The following BRIP1 variants were observed in gnomAD, a reference collection of about 807,000 sequenced individuals.
BRIP1 encodes Fanconi anemia group J protein.
A neutral mutation model predicts 119.7 loss-of-function variants in BRIP1; 88 were observed. The observed-to-expected ratio is 0.74, with a 90% confidence interval of 0.62 to 0.88. The LOEUF (loss-of-function observed/expected upper bound fraction) is 0.88, where lower values mean the gene tolerates loss of function less well. BRIP1 is among the 40% of genes least tolerant of loss of function. BRIP1 has a pLI of 0.00. For synonymous variants in BRIP1, 443 were observed against 496.5 expected, an observed-to-expected ratio of 0.89 and a Z score of 1.43; for missense variants, 1,259 against 1,455.4, an observed-to-expected ratio of 0.87 and a Z score of 2.20.
chr17:61,688,440 C>T (rs935598417), intron 18 of BRIP1, among the ~76,000 whole-genome samples: 1 of 152,022 alleles, frequency 6.6e-6, no homozygotes, highest in Non-Finnish European at 1.5e-5. Context: ...GAGATTGTAC[C>T]ACTGCACTCC....
rs1193683081 is a variant in BRIP1, at chr17:61,827,168, G to A, written c.628-18411C>T. Among the ~76,000 whole-genome samples the A allele has an allele frequency of 6.6e-6, 1 of 152,180 alleles. No individual in the cohort carries two copies. Among genetic ancestry groups the A allele is most frequent in the African/African-American group, 2.4e-5 (1 of 41,434 alleles). On this transcript the variant is annotated intron_variant, in intron 6 of 19. Coordinates refer to ENST00000259008, the MANE Select transcript of BRIP1 (RefSeq NM_032043.3). This position sits in a 1 kb window ranked among gnomAD's most constrained non-coding sequence, Gnocchi z 5.8. ...CATTATCCTTAGCAAACTAATGCAG[G>A]AACAGAAAACCAAATACTGCATGTT...
chr17:61,859,951 T>C, intron 2 of BRIP1, 44 bp from the exon 3 acceptor site: 1 of 1,328,634 alleles, frequency 7.5e-7, no homozygotes, highest in African/African-American at 1.4e-5. Flanking sequence ...ATATTAACTT[T>C]ATAAAGGTCT....
rs1033030391 is a variant in BRIP1 at position 61,736,143 on chromosome 17, T to C, written c.2379+6870A>G. On this transcript the variant is annotated intron_variant, in intron 16 of 19. Coordinates refer to ENST00000259008, the MANE Select transcript of BRIP1 (RefSeq NM_032043.3). This position sits in a 1 kb window ranked among gnomAD's most constrained non-coding sequence, Gnocchi z 4.4. The stretch of plus-strand genomic sequence containing the variant: ...GAGTTCAAGGCCAGCTTGTACAACA[T>C]AGCAAGACCTCGCCTCTCCAAAAAA... Among the ~76,000 whole-genome samples the C allele has an allele frequency of 6.7e-6, 1 of 149,596 alleles. No individual in the cohort carries two copies. The highest frequency in any genetic ancestry group is 2.5e-5 in the African/African-American group (1 of 40,502).
At chr17:61,733,211 G>C (rs1431633865) in intron 16 of BRIP1, among the ~76,000 whole-genome samples, 1 of 152,102 alleles carries the variant, frequency 6.6e-6, no homozygotes, top group Non-Finnish European at 1.5e-5. Context: ...TCCTTAAAAA[G>C]AAATCTGTTA....
chr17:61,845,737 G>C lies in BRIP1; in HGVS notation c.627+1364C>G, dbSNP rs1047864899. ...ACTATCCTACAGGCGCTTCTCCCCA[G>C]GACATCCATCCTGCTTCTGTATGCA... On this transcript the variant is annotated intron_variant, in intron 6 of 19. Transcript: ENST00000259008. The surrounding 1 kb of genome is among the most constrained non-coding windows in gnomAD (Gnocchi z 4.2). 6.6e-6 allele frequency among the ~76,000 whole-genome samples: 1 copy of C among 152,088 alleles called. No individual in the cohort carries two copies. The highest frequency in any genetic ancestry group is 2.4e-5 in the African/African-American group (1 of 41,392).
rs61754141 is a variant in BRIP1 at position 61,743,106 on chromosome 17, A to G, written c.2286T>C (p.Arg762=). The stretch of plus-strand genomic sequence containing the variant: ...AATCCAGACCCTCACTCACTTTACC[A>G]CGACAAACTGCTACCAGGAGAGCTC... ...KDGALLVAVC[R]GKVSEGLDFS... The change falls in exon 16 of 20, where the codon CGT becomes CGC. Residue 762 remains arginine, a synonymous_variant. Coordinates refer to ENST00000259008, the MANE Select transcript of BRIP1 (RefSeq NM_032043.3). The surrounding 1 kb of genome is among the most constrained non-coding windows in gnomAD (Gnocchi z 4.3). The G allele has an allele frequency of 3.8e-4, 614 of 1,614,018 alleles. 2 individuals carry two copies. In the African/African-American group the frequency reaches 5.4e-3, roughly 14 times the overall value.
intron 17 of BRIP1, among the ~76,000 whole-genome samples, chr17:61,702,624 A>G (rs1254064044): frequency 2.0e-5 from 3 of 152,192 alleles, no homozygotes; most frequent in African/African-American, 2.4e-5. Context: ...ATGTTGCTGC[A>G]AAGGACATGA....
chr17:61,854,744 C>CA (rs2145808883), intron 4 of BRIP1, among the ~76,000 whole-genome samples: 1 of 148,140 alleles, frequency 6.8e-6, no homozygotes, highest in East Asian at 2.0e-4. Context: ...TACACACCTA[C>CA]AAAGCAATCT....
chr17:61,825,148 G>A lies in BRIP1; in HGVS notation c.628-16391C>T, dbSNP rs368915322. The stretch of plus-strand genomic sequence containing the variant: ...AAAATACAAAAAATTAGCTGGGCAA[G>A]GTGGCGGGCACCTGTAGTCTCAGCT... On this transcript the variant is annotated intron_variant, in intron 6 of 19. Transcript: ENST00000259008. This position sits in a 1 kb window ranked among gnomAD's most constrained non-coding sequence, Gnocchi z 4.1. 4.6e-5 allele frequency among the ~76,000 whole-genome samples: 7 copies of A among 152,172 alleles called. No individual in the cohort carries two copies. In the South Asian group the frequency reaches 8.3e-4, roughly 18 times the overall value.
chr17:61,781,772 T>C (rs901836673), intron 11 of BRIP1, among the ~76,000 whole-genome samples: 5 of 150,060 alleles, frequency 3.3e-5, no homozygotes, highest in African/African-American at 1.2e-4. Flanking sequence ...AATACAAAAA[T>C]TAGCCAGGTG....
At chr17:61,716,566 C>A (rs928705971) in intron 16 of BRIP1, among the ~76,000 whole-genome samples, 1 of 151,886 alleles carries the variant, frequency 6.6e-6, no homozygotes, top group African/African-American at 2.4e-5. Flanking sequence ...TTTTAGAATT[C>A]ATTCATGTTG....
At chr17:61,781,878 G>A (rs1338800489) in intron 11 of BRIP1, among the ~76,000 whole-genome samples, 7 of 148,200 alleles carry the variant, frequency 4.7e-5, no homozygotes, top group African/African-American at 1.5e-4. Context: ...CTGAGATAGC[G>A]CCACTGCACT....
chr17:61,747,713 T>A (rs961523225), intron 14 of BRIP1, among the ~76,000 whole-genome samples: 25 of 152,038 alleles, frequency 1.6e-4, no homozygotes, highest in African/African-American at 5.8e-4. Context: ...TTTTATTAAT[T>A]TTTTATTTTC....
At chr17:61,818,859 A>G (rs191496040) in intron 6 of BRIP1, among the ~76,000 whole-genome samples, 1 of 152,234 alleles carries the variant, frequency 6.6e-6, no homozygotes, top group African/African-American at 2.4e-5. Flanking sequence ...GCAAATCCAA[A>G]CTACAATGAG....
Position 61,810,614 on chromosome 17 carries a change from A to T in BRIP1, c.628-1857T>A, listed in dbSNP as rs964048923. Among the ~76,000 whole-genome samples, 7 of 152,312 alleles carry T rather than the reference A, an allele frequency of 4.6e-5. No homozygotes were observed. The highest frequency in any genetic ancestry group is 1.7e-4 in the African/African-American group (7 of 41,570). ...TTCTATCTAAGCATAAAAGTAATCCAATAAAGTAGCTTTTTCTCAAGGCTG... is the reference window on the plus strand; with the variant it reads ...TTCTATCTAAGCATAAAAGTAATCCTATAAAGTAGCTTTTTCTCAAGGCTG... On this transcript the variant is annotated intron_variant, in intron 6 of 19. Transcript: ENST00000259008. The surrounding 1 kb of genome is among the most constrained non-coding windows in gnomAD (Gnocchi z 4.7).
chr17:61,750,708 TAAAAAAAAAA>T lies in BRIP1; in HGVS notation c.2098-6127_2098-6118del, dbSNP rs71150637. Among the ~76,000 whole-genome samples the T allele has an allele frequency of 9.6e-5, 14 of 146,290 alleles. 1 individual carries two copies. Among genetic ancestry groups the T allele is most frequent in the Admixed American group, 8.9e-4 (13 of 14,612 alleles). On this transcript the variant is annotated intron_variant, in intron 14 of 19. Coordinates refer to ENST00000259008, the MANE Select transcript of BRIP1 (RefSeq NM_032043.3). ...CTTTAATAGACATTTCTTGAATGAT[TAAAAAAAAAA>T]AAAAGGCCCAAAGGACATGAAAAGA...
rs2076762450 is a variant in BRIP1 at position 61,726,051 on chromosome 17, T to C, written c.2380-9988A>G. Reference sequence around the variant, plus strand: ...TCTCTAGAACATGCCACCATTCGTGTTATAGTTTATTTTGAGGAAGAAGGT... The same window carrying C: ...TCTCTAGAACATGCCACCATTCGTGCTATAGTTTATTTTGAGGAAGAAGGT... On this transcript the variant is annotated intron_variant, in intron 16 of 19. Coordinates refer to ENST00000259008, the MANE Select transcript of BRIP1 (RefSeq NM_032043.3). This position sits in a 1 kb window ranked among gnomAD's most constrained non-coding sequence, Gnocchi z 6.2. Among the ~76,000 whole-genome samples, 1 of 152,198 alleles carries C rather than the reference T, an allele frequency of 6.6e-6. No homozygotes were observed.
In BRIP1 at chr17:61,841,194, C is replaced by T. The variant is rs780284808; in HGVS notation, c.627+5907G>A. ...GGTAAGAATTCAAAAGTACAGGCAA[C>T]AAAAACAAAAATAGACAAATAGGAC... On this transcript the variant is annotated intron_variant, in intron 6 of 19. Coordinates refer to ENST00000259008, the MANE Select transcript of BRIP1 (RefSeq NM_032043.3). This position sits in a 1 kb window ranked among gnomAD's most constrained non-coding sequence, Gnocchi z 4.1. Among the ~76,000 whole-genome samples the T allele has an allele frequency of 6.6e-6, 1 of 151,924 alleles. No individual in the cohort carries two copies. Among genetic ancestry groups the T allele is most frequent in the Non-Finnish European group, 1.5e-5 (1 of 67,976 alleles).
In BRIP1 at chr17:61,793,608, G is replaced by A. The variant is rs1450320184; in HGVS notation, c.1462C>T (p.Pro488Ser). Residue 488 changes from proline to serine, a missense_variant, in exon 10 of 20, where the codon CCC becomes TCC. Physicochemically the swap from Pro to Ser is moderately conservative, Grantham distance 74. Transcript: ENST00000259008. This position sits in a 1 kb window ranked among gnomAD's most constrained non-coding sequence, Gnocchi z 5.2. The part of the protein sequence containing the change: ...HKMGITTATF[P>S]ILQGHFSAVL... The stretch of plus-strand genomic sequence containing the variant: ...AAAAAATATCTTACCTGCAAAATGG[G>A]AAAAGTAGCAGTGGTGATACCCATT... 1 of 1,606,096 alleles carries A rather than the reference G, an allele frequency of 6.2e-7. No homozygotes were observed. Among genetic ancestry groups the A allele is most frequent in the East Asian group, 2.2e-5 (1 of 44,642 alleles).
Sources: allele counts gnomAD v4.1 joint callset (sites outside exome capture counted in the v4.1 genomes callset), GRCh38; gene constraint gnomAD v4.1.1; non-coding constraint Gnocchi (gnomAD v3.1); transcripts MANE v1.5; gene names NCBI Gene and HGNC (gene_info 2026-07-23, HGNC 2026-07-21).